MBOAT1: variants seen among roughly 807,000 people sequenced by gnomAD.
The protein encoded by MBOAT1 is membrane-bound glycerophospholipid O-acyltransferase 1.
MBOAT1 carries 67 observed loss-of-function variants against 64.4 expected under a neutral mutation model. The ratio of observed to expected loss-of-function variants is 1.04; its 90% CI spans 0.85 to 1.27. The LOEUF is 1.27. Among genes scored for constraint, MBOAT1 ranks in the 50% most tolerant of loss-of-function variants. MBOAT1 has a pLI of 0.00. For synonymous variants in MBOAT1, 229 were observed against 218.9 expected (o/e 1.05, Z -0.41); for missense variants, 563 against 604.6 (o/e 0.93, Z 0.72).
intron 3 of MBOAT1, among the ~76,000 whole-genome samples, chr6:20,149,723 G>A (rs1170741178): frequency 2.0e-5 from 3 of 152,218 alleles, no homozygotes; most frequent in African/African-American, 4.8e-5. Context: ...ACTATAAAAT[G>A]TAAAAGCAGA....
At chr6:20,173,804 A>T (rs1762267226) in intron 1 of MBOAT1, among the ~76,000 whole-genome samples, 1 of 152,096 alleles carries the variant, frequency 6.6e-6, no homozygotes, top group Non-Finnish European at 1.5e-5. Context: ...TACAAAAATC[A>T]GCCAGGCATG....
chr6:20,164,174 T>TACACAC lies in MBOAT1; in HGVS notation c.100-11411_100-11406dup, dbSNP rs35199956. ...ATTTAATATAGAATGTATGTGCATGTACACACACACACACACACACACACA... is the reference window on the plus strand; with the variant it reads ...ATTTAATATAGAATGTATGTGCATGTACACACACACACACACACACACACACACACA... On this transcript the variant is annotated intron_variant, in intron 1 of 12. Transcript: ENST00000324607. Among the ~76,000 whole-genome samples the TACACAC allele has an allele frequency of 2.1e-3, 306 of 147,550 alleles. 2 individuals carry two copies. The highest frequency in any genetic ancestry group is 3.7e-3 in the African/African-American group (149 of 40,084).
intron 10 of MBOAT1, 130 bp downstream of exon 10, chr6:20,115,158 C>T (rs1178169166): frequency 1.4e-6 from 1 of 729,254 alleles, no homozygotes; most frequent in African/African-American, 1.8e-5. Context: ...ATTTACAGGG[C>T]ACAGATGTTA....
At chr6:20,104,716 G>A (rs1759900438) in intron 12 of MBOAT1, among the ~76,000 whole-genome samples, 1 of 152,186 alleles carries the variant, frequency 6.6e-6, no homozygotes, top group Non-Finnish European at 1.5e-5. Flanking sequence ...TACAAGGTCA[G>A]GCACATTAGA....
chr6:20,170,483 C>G (rs571439411), intron 1 of MBOAT1, among the ~76,000 whole-genome samples: 1 of 152,322 alleles, frequency 6.6e-6, no homozygotes, highest in Non-Finnish European at 1.5e-5. Flanking sequence ...CCCTCTCTAA[C>G]ACCCCATTAA....
intron 1 of MBOAT1, among the ~76,000 whole-genome samples, chr6:20,201,873 T>G (rs1222872883): frequency 6.6e-6 from 1 of 151,958 alleles, no homozygotes; most frequent in African/African-American, 2.4e-5. Flanking sequence ...TGAGCCACCC[T>G]GCCCGGCTGG....
intron 4 of MBOAT1, among the ~76,000 whole-genome samples, chr6:20,139,595 C>T (rs1231536320): frequency 7.9e-6 from 1 of 126,544 alleles, no homozygotes; most frequent in Non-Finnish European, 1.6e-5. Context: ...TGCTCTGTTG[C>T]CCAGGTGGAG....
intron 1 of MBOAT1, among the ~76,000 whole-genome samples, chr6:20,209,956 A>C (rs554697635): frequency 8.5e-5 from 13 of 152,266 alleles, no homozygotes; most frequent in African/African-American, 2.9e-4. Context: ...AAGTAACTCC[A>C]CTTTCCCCTC....
chr6:20,200,322 G>GA (rs367600050), intron 1 of MBOAT1, among the ~76,000 whole-genome samples: 140 of 152,234 alleles, frequency 9.2e-4, no homozygotes, highest in Non-Finnish European at 1.8e-3. Flanking sequence ...GAAATTGGAA[G>GA]AAAAAATAGT....
intron 1 of MBOAT1, among the ~76,000 whole-genome samples, chr6:20,210,405 T>A (rs73729931): frequency 0.03 from 4,633 of 152,246 alleles, 238 homozygotes; most frequent in African/African-American, 0.1. Flanking sequence ...GTTTGGGGAT[T>A]TTCCTTGGGC....
intron 1 of MBOAT1, among the ~76,000 whole-genome samples, chr6:20,175,437 TTTTA>T (rs568565974): frequency 2.0e-5 from 3 of 151,476 alleles, no homozygotes; most frequent in African/African-American, 4.9e-5. Context: ...CCTTTAATTG[TTTTA>T]TTTATTTATT....
intron 5 of MBOAT1, 62 bp from the exon 6 acceptor site, chr6:20,128,815 A>G (rs1366233622): frequency 1.7e-6 from 2 of 1,182,916 alleles, no homozygotes; most frequent in Admixed American, 4.2e-5. Flanking sequence ...ACAAATTATA[A>G]AAGGGTCTTA....
chr6:20,127,332 G>A (rs1760684236), intron 6 of MBOAT1, among the ~76,000 whole-genome samples: 1 of 152,158 alleles, frequency 6.6e-6, no homozygotes, highest in Admixed American at 6.5e-5. Flanking sequence ...ATAGAATAAA[G>A]ACTCCCTGAA....
intron 7 of MBOAT1, among the ~76,000 whole-genome samples, 188 bp downstream of exon 7, chr6:20,126,329 G>A (rs1197602496): frequency 1.3e-5 from 2 of 152,146 alleles, no homozygotes; most frequent in Non-Finnish European, 2.9e-5. Context: ...GAGCTTCTCA[G>A]TAAAATAAAC....
chr6:20,166,050 T>C (rs567188768), intron 1 of MBOAT1, among the ~76,000 whole-genome samples: 106 of 152,274 alleles, frequency 7.0e-4, no homozygotes, highest in African/African-American at 2.5e-3. Flanking sequence ...ATATCTAGCA[T>C]GCATCTTCCT....
Position 20,102,194 on chromosome 6 carries a change from C to A in MBOAT1, c.*92G>T. 8.1e-7 allele frequency: 1 copy of A among 1,235,234 alleles called. No individual in the cohort carries two copies. The highest frequency in any genetic ancestry group is 1.1e-6 in the Non-Finnish European group (1 of 902,392). The allele number at this position is 1,235,234 out of a possible 1,614,324, so 76.5% of individuals were successfully genotyped here. A position where few individuals can be genotyped will look rare whatever the true frequency, so the allele number is the denominator to read the frequency against. ...ACAAAATAAAGATGCATGTAAACATCGCCTCTAAGCCACCGGAGGAGCCCT... is the reference window on the plus strand; with the variant it reads ...ACAAAATAAAGATGCATGTAAACATAGCCTCTAAGCCACCGGAGGAGCCCT... On this transcript the variant is annotated 3_prime_UTR_variant, in exon 13 of 13. Coordinates refer to ENST00000324607, the MANE Select transcript of MBOAT1 (RefSeq NM_001080480.3).
In MBOAT1 at chr6:20,102,310, A is replaced by G. The variant is rs375325554; in HGVS notation, c.1464T>C (p.Ser488=). 15 of 1,613,876 alleles carry G rather than the reference A, an allele frequency of 9.3e-6. No homozygotes were observed. The highest frequency in any genetic ancestry group is 1.7e-4 in the Middle Eastern group (1 of 6,060). Residue 488 remains serine (S), a synonymous_variant, in exon 13 of 13, where the codon TCT becomes TCC. Coordinates refer to ENST00000324607, the MANE Select transcript of MBOAT1 (RefSeq NM_001080480.3). ...HTQRRPQTLN[S]INKRKTD ...ATCAATCTGTTTTTCTCTTATTAAT[A>G]GAGTTCAGAGTCTGAGGCCGCCTTT...
chr6:20,110,125 G>A (rs12215598), intron 11 of MBOAT1, among the ~76,000 whole-genome samples: 12,137 of 151,396 alleles, frequency 0.08, 759 homozygotes, highest in Non-Finnish European at 0.12. Flanking sequence ...TGGCCAGGCT[G>A]GTCTCGAATT....
chr6:20,115,960 T>A (rs1760306015), intron 9 of MBOAT1, among the ~76,000 whole-genome samples: 1 of 149,478 alleles, frequency 6.7e-6, no homozygotes, highest in Admixed American at 6.7e-5. Flanking sequence ...GGAAGAGACA[T>A]CCCACAATAA....
Sources: gnomAD v4.1 joint callset for allele counts (sites outside exome capture counted in the v4.1 genomes callset) on GRCh38, gnomAD v4.1.1 for gene constraint, MANE v1.5 for transcripts, NCBI Gene and HGNC (gene_info 2026-07-23, HGNC 2026-07-21) for gene names.